Variants in TCF20 observed in about 807,000 individuals in gnomAD.
TCF20 encodes the protein SPRE-binding protein.
TCF20 carries 3 observed loss-of-function variants against 148.6 expected under a neutral mutation model. The observed-to-expected ratio is 0.02, with a 90% confidence interval of 0.01 to 0.05. The LOEUF is 0.05. TCF20 is among the 10% of genes least tolerant of loss of function. The pLI, the probability that TCF20 is intolerant of heterozygous loss-of-function variation, is 1.00. For synonymous variants in TCF20, 1,049 were observed against 909.5 expected (o/e 1.15, Z -2.76); for missense variants, 2,350 against 2,429.3 (o/e 0.97, Z 0.69).
At chr22:42,324,210 G>A (rs796232990) in intron 1 of TCF20, among the ~76,000 whole-genome samples, 1 of 145,868 alleles carries the variant, frequency 6.9e-6, no homozygotes, top group Non-Finnish European at 1.5e-5. Flanking sequence ...AGGTTATGGT[G>A]GAGGTGGTGA....
At position 42,213,776 on chromosome 22, in the gene TCF20, C is replaced by A; in HGVS notation, c.1530G>T (p.Gln510His). The change falls in exon 2 of 6, where the codon CAG becomes CAT. Residue 510 changes from glutamine (Q) to histidine (H), a missense_variant. Around this residue, in one of 7 missense-constraint regions of TCF20, gnomAD observed 1,641 missense variants for 1,662.6 expected, o/e 0.99. Coordinates refer to ENST00000677622, the MANE Select transcript of TCF20 (RefSeq NM_001378418.1). ...NSEGSSQPEE[Q>H]LKSPMAESLD... ...ATGACTCTGCCATAGGGGACTTCAG[C>A]TGTTCTTCAGGTTGTGAGGAGCCTT... The A allele has an allele frequency of 6.2e-7, 1 of 1,614,166 alleles. No homozygotes were observed. The highest frequency in any genetic ancestry group is 8.5e-7 in the Non-Finnish European group (1 of 1,180,046).
intron 1 of TCF20, among the ~76,000 whole-genome samples, chr22:42,247,391 G>A (rs934634386): frequency 6.9e-6 from 1 of 144,354 alleles, no homozygotes. Context: ...AGTGAGCCGA[G>A]ATGGTGCCAC....
chr22:42,282,692 T>G (rs1480383139), intron 1 of TCF20, among the ~76,000 whole-genome samples: 1 of 152,076 alleles, frequency 6.6e-6, no homozygotes, highest in Admixed American at 6.5e-5. Context: ...GGCAGAGACC[T>G]GGGAGGGAGG....
rs998881215 is a variant in TCF20, at chr22:42,160,236, A to C, written c.*1167T>G. ...ATTATACAATTTACAAAACAAAACA[A>C]CACAACATAAAGAATCACGTAGCAT... On this transcript the variant is annotated 3_prime_UTR_variant, in exon 6 of 6. Transcript: ENST00000677622. The C allele has an allele frequency of 3.3e-5, 5 of 152,732 alleles. No individual in the cohort carries two copies. Among genetic ancestry groups the C allele is most frequent in the African/African-American group, 1.2e-4 (5 of 41,582 alleles). 9.5% of individuals were successfully genotyped at this position (152,732 alleles called of 1,614,324 possible).
At chr22:42,323,243 C>A (rs1274270137) in intron 1 of TCF20, among the ~76,000 whole-genome samples, 4 of 151,740 alleles carry the variant, frequency 2.6e-5, no homozygotes, top group African/African-American at 9.7e-5. Flanking sequence ...GAGGCCAAAG[C>A]CCCCACTGGA....
intron 1 of TCF20, among the ~76,000 whole-genome samples, chr22:42,309,343 G>C (rs1927491298): frequency 6.6e-6 from 1 of 152,076 alleles, no homozygotes; most frequent in Non-Finnish European, 1.5e-5. Flanking sequence ...AGACAAGCAG[G>C]ACGGGGGACT....
At position 42,308,325 on chromosome 22, in the gene TCF20, G is replaced by A. The variant is rs534296263; in HGVS notation, c.-37+35154C>T. Among the ~76,000 whole-genome samples, 151 of 152,228 alleles carry A rather than the reference G, an allele frequency of 9.9e-4. 2 individuals are homozygous for A. Among genetic ancestry groups the A allele is most frequent in the Admixed American group, 4.2e-3 (64 of 15,302 alleles). ...TGTTCACCAGCCTAGAGGTTTGGAG[G>A]CGCTTCCTGGAGGGGGCCCACAAAC... is the stretch of plus-strand genomic sequence containing the variant. On this transcript the variant is annotated intron_variant, in intron 1 of 1. Coordinates refer to the TCF20 transcript ENST00000515426.
intron 1 of TCF20, among the ~76,000 whole-genome samples, chr22:42,301,564 T>C (rs1927336735): frequency 6.6e-6 from 1 of 152,032 alleles, no homozygotes; most frequent in Non-Finnish European, 1.5e-5. Context: ...GCTTCCTAAG[T>C]CAAAGTGATT....
upstream of TCF20, among the ~76,000 whole-genome samples, chr22:42,285,808 C>A (rs912322093): frequency 2.6e-5 from 4 of 151,988 alleles, no homozygotes; most frequent in Non-Finnish European, 5.9e-5. This position sits in a 1 kb window ranked among gnomAD's most constrained non-coding sequence, Gnocchi z 4.2. Context: ...GCCTCTGGGC[C>A]TTTGCACATG....
chr22:42,329,913 C>T (rs954193831), intron 1 of TCF20, among the ~76,000 whole-genome samples: 2 of 152,142 alleles, frequency 1.3e-5, no homozygotes, highest in Non-Finnish European at 2.9e-5. Context: ...AGTATGAACT[C>T]ACCAGGGGCC....
chr22:42,224,913 C>T (rs1431248240), intron 1 of TCF20, among the ~76,000 whole-genome samples: 1 of 151,898 alleles, frequency 6.6e-6, no homozygotes, highest in African/African-American at 2.4e-5. Context: ...AGGAAAACTT[C>T]TGGACTATCC....
chr22:42,216,619 G>C (rs1442024895), intron 1 of TCF20, among the ~76,000 whole-genome samples: 1 of 152,188 alleles, frequency 6.6e-6, no homozygotes, highest in Non-Finnish European at 1.5e-5. Context: ...TTTCCAAGAA[G>C]TTCCAGCACC....
chr22:42,298,906 G>A (rs1927282011), intron 1 of TCF20, among the ~76,000 whole-genome samples: 1 of 152,222 alleles, frequency 6.6e-6, no homozygotes, highest in Non-Finnish European at 1.5e-5. Context: ...AGCCATCCCT[G>A]CCTCAAGTCG....
rs959355891 is a variant in TCF20, at chr22:42,209,821, G to A, written c.5485C>T (p.Pro1829Ser). ...KTVLDSKPSV[P>S]TTSEGGPELE... ...TCAGGGCCACCTTCTGAAGTGGTGG[G>A]CACGGAGGGCTTCGAGTCCAAAACA... Residue 1829 changes from proline (P) to serine (S), a missense_variant, in exon 2 of 6, where the codon CCC becomes TCC. This residue lies in a region of TCF20 where 374 missense variants were observed against 398.3 expected (regional missense o/e 0.94). Coordinates refer to ENST00000677622, the MANE Select transcript of TCF20 (RefSeq NM_001378418.1). The A allele has an allele frequency of 1.9e-6, 3 of 1,614,106 alleles. No individual in the cohort carries two copies. Among genetic ancestry groups the A allele is most frequent in the African/African-American group, 2.7e-5 (2 of 74,932 alleles).
intron 1 of TCF20, among the ~76,000 whole-genome samples, chr22:42,320,696 C>T (rs1927716809): frequency 6.6e-6 from 1 of 152,202 alleles, no homozygotes; most frequent in Non-Finnish European, 1.5e-5. Flanking sequence ...CCTGGCAGTG[C>T]ATAAATGAAC....
At chr22:42,310,843 G>A (rs750914057) in intron 1 of TCF20, among the ~76,000 whole-genome samples, 2 of 152,222 alleles carry the variant, frequency 1.3e-5, no homozygotes, top group Non-Finnish European at 2.9e-5. Context: ...GGAGGGCCCC[G>A]CAGAGCCTGG....
chr22:42,331,997 G>T (rs1299531188), intron 1 of TCF20, among the ~76,000 whole-genome samples: 4 of 152,196 alleles, frequency 2.6e-5, no homozygotes, highest in Non-Finnish European at 5.9e-5. Context: ...CAGGTGCTCA[G>T]GACTTGCTGA....
intron 1 of TCF20, among the ~76,000 whole-genome samples, chr22:42,232,677 A>G (rs898850402): frequency 2.0e-5 from 3 of 151,994 alleles, no homozygotes; most frequent in Non-Finnish European, 4.4e-5. Context: ...AAAAATACAA[A>G]AAAATTAGCA....
intron 1 of TCF20, among the ~76,000 whole-genome samples, chr22:42,282,701 G>T (rs553928278): frequency 5.1e-4 from 78 of 152,334 alleles, no homozygotes; most frequent in Middle Eastern, 3.4e-3. Context: ...CTGGGAGGGA[G>T]GCCGGAGAGC....
Sources: allele counts gnomAD v4.1 joint callset (sites outside exome capture counted in the v4.1 genomes callset), GRCh38; gene constraint gnomAD v4.1.1; regional missense constraint gnomAD v4.1.1; non-coding constraint Gnocchi (gnomAD v3.1); transcripts MANE v1.5; gene names NCBI Gene and HGNC (gene_info 2026-07-23, HGNC 2026-07-21).